The following ST14 variants were observed in gnomAD, a reference collection of about 807,000 sequenced individuals.
ST14 encodes the protein ST14 transmembrane serine protease matriptase.
ST14 carries 40 observed loss-of-function variants against 96.5 expected under a neutral mutation model. The observed-to-expected ratio is 0.41, with a 90% CI of 0.32 to 0.54. The LOEUF (loss-of-function observed/expected upper bound fraction) is 0.54. Among genes scored for constraint, ST14 ranks in the 20% least tolerant of loss-of-function variants. The pLI is 0.17. For synonymous variants in ST14, 506 were observed against 492.1 expected (o/e 1.03, Z -0.37); for missense variants, 1,066 against 1,188.9 (o/e 0.90, Z 1.52).
In ST14 at chr11:130,194,706, C is replaced by T; in HGVS notation, c.1082C>T (p.Pro361Leu). The T allele has an allele frequency of 6.2e-7, 1 of 1,614,202 alleles. No individual in the cohort carries two copies. ...AGCCCCTACTACCCAGGCCACTACC[C>T]ACCCAACATTGACTGCACATGGAAC... ...FNSPYYPGHY[P>L]PNIDCTWNIE... Residue 361 changes from proline to leucine, a missense_variant, in exon 9 of 19, where the codon CCA (proline) becomes CTA (leucine). Transcript: ENST00000278742.
At chr11:130,209,296 C>A in intron 17 of ST14, 146 bp from the exon 18 acceptor site, 1 of 1,093,282 alleles carries the variant, frequency 9.1e-7, no homozygotes, top group Non-Finnish European at 1.3e-6. Context: ...CCAGAGCCCA[C>A]TGAGTAGACG....
intron 7 of ST14, among the ~76,000 whole-genome samples, chr11:130,193,822 C>A (rs1395651471): frequency 6.6e-6 from 1 of 152,272 alleles, no homozygotes; most frequent in Non-Finnish European, 1.5e-5. Flanking sequence ...CTAGCGCCTT[C>A]CATCAGTGAT....
At chr11:130,163,903 T>A (rs1953021519) in intron 1 of ST14, among the ~76,000 whole-genome samples, 1 of 152,224 alleles carries the variant, frequency 6.6e-6, no homozygotes, top group Non-Finnish European at 1.5e-5. Context: ...GTTGCCACGT[T>A]GTCACCGGCT....
chr11:130,205,309 G>A (rs545384521), intron 16 of ST14, among the ~76,000 whole-genome samples: 2 of 152,218 alleles, frequency 1.3e-5, no homozygotes, highest in African/African-American at 4.8e-5. Context: ...TGTATTTTTA[G>A]TGGAGATGGG....
chr11:130,182,939 C>T (rs544517590), intron 1 of ST14, among the ~76,000 whole-genome samples: 11 of 151,220 alleles, frequency 7.3e-5, no homozygotes, highest in South Asian at 2.1e-4. Flanking sequence ...CATGAGCCAC[C>T]GCGCCCAGCC....
intron 7 of ST14, among the ~76,000 whole-genome samples, chr11:130,192,310 G>T (rs1205466324): frequency 6.6e-6 from 1 of 152,228 alleles, no homozygotes; most frequent in Admixed American, 6.5e-5. Context: ...AGAAGTACAT[G>T]TTCCCAGTGG....
intron 7 of ST14, among the ~76,000 whole-genome samples, chr11:130,192,690 C>T (rs1317302425): frequency 1.3e-5 from 2 of 152,182 alleles, no homozygotes; most frequent in African/African-American, 4.8e-5. Context: ...CAGCACCCGG[C>T]CAAATTTTTG....
intron 16 of ST14, 103 bp downstream of exon 16, chr11:130,200,240 C>A: frequency 7.5e-7 from 1 of 1,340,504 alleles, no homozygotes; most frequent in African/African-American, 1.4e-5. Context: ...GGAGGGGTGG[C>A]CACATGTGTT....
chr11:130,168,959 A>G (rs1424635545), intron 1 of ST14, among the ~76,000 whole-genome samples: 1 of 152,126 alleles, frequency 6.6e-6, no homozygotes, highest in Non-Finnish European at 1.5e-5. Flanking sequence ...ATGCCATGAA[A>G]TATGACTCAG....
At chr11:130,190,286 T>G (rs1312483026) in intron 6 of ST14, 138 bp downstream of exon 6, 35 of 1,474,194 alleles carry the variant, frequency 2.4e-5, no homozygotes, top group Non-Finnish European at 3.3e-5. Flanking sequence ...CCCTTCCTCT[T>G]CCAGGCCCTT....
chr11:130,199,147 C>A, intron 15 of ST14, 78 bp downstream of exon 15: 1 of 1,452,810 alleles, frequency 6.9e-7, no homozygotes, highest in Non-Finnish European at 9.4e-7. Context: ...CCTGGAGGTG[C>A]AATCCCGCCA....
rs117656457 is a variant in ST14, at chr11:130,180,000, G to T, written c.82-8114G>T. ...TGCTCGGGCTCTACTTTCCTTTCTC[G>T]CTTGAACAATTACAGGGATAGTTTA... is the stretch of plus-strand genomic sequence containing the variant. On this transcript the variant is annotated intron_variant, in intron 1 of 18. Coordinates refer to ENST00000278742, the MANE Select transcript of ST14 (RefSeq NM_021978.4). Among the ~76,000 whole-genome samples the T allele has an allele frequency of 1.1e-3, 164 of 152,274 alleles. 1 individual carries two copies. The highest frequency in any genetic ancestry group is 3.9e-3 in the African/African-American group (160 of 41,542).
chr11:130,209,560 C>T lies in ST14; in HGVS notation c.2388C>T (p.Gly796=), dbSNP rs569217857. 2.5e-6 allele frequency: 4 copies of T among 1,574,326 alleles called. No individual in the cohort carries two copies. The highest frequency in any genetic ancestry group is 2.6e-6 in the Non-Finnish European group (3 of 1,160,260). ...TGATGTGCGTGGGCTTCCTCAGCGG[C>T]GGCGTGGACTCCTGCCAGGTGGCCC... The part of the protein sequence containing the change: ...PRMMCVGFLS[G]GVDSCQGDSG... Residue 796 remains glycine, a synonymous_variant, in exon 18 of 19, where the codon GGC becomes GGT. Transcript: ENST00000278742.
chr11:130,167,662 TC>T (rs1953054439), intron 1 of ST14, among the ~76,000 whole-genome samples: 1 of 151,876 alleles, frequency 6.6e-6, no homozygotes, highest in Non-Finnish European at 1.5e-5. Context: ...GAGAGGGATC[TC>T]CCAGAATTAC....
chr11:130,180,374 T>C (rs910117440), intron 1 of ST14, among the ~76,000 whole-genome samples: 2 of 152,186 alleles, frequency 1.3e-5, no homozygotes, highest in African/African-American at 4.8e-5. Flanking sequence ...CTTAGCCACA[T>C]GAGGAACGAT....
chr11:130,161,487 C>G (rs1190876210), intron 1 of ST14, among the ~76,000 whole-genome samples: 2 of 152,192 alleles, frequency 1.3e-5, no homozygotes, highest in Non-Finnish European at 2.9e-5. Context: ...CCTGCCCACA[C>G]GGGGAAAGCA....
Position 130,188,060 on chromosome 11 carries a change from T to G in ST14, c.82-54T>G, listed in dbSNP as rs1591886261. 3.1e-6 allele frequency: 5 copies of G among 1,601,474 alleles called. No homozygotes were observed. Among genetic ancestry groups the G allele is most frequent in the Non-Finnish European group, 4.3e-6 (5 of 1,171,220 alleles). On this transcript the variant is annotated intron_variant, in intron 1 of 18. Coordinates refer to ENST00000278742, the MANE Select transcript of ST14 (RefSeq NM_021978.4). This position sits in a 1 kb window ranked among gnomAD's most constrained non-coding sequence, Gnocchi z 5.4. ...AATGTGAACATCTTCCCCAGCGGGG[T>G]GCAGGGGAAGAGCGGGTGAGAGGGT...
At chr11:130,179,261 C>T (rs1251709409) in intron 1 of ST14, among the ~76,000 whole-genome samples, 1 of 152,236 alleles carries the variant, frequency 6.6e-6, no homozygotes, top group African/African-American at 2.4e-5. Context: ...GGAACAAACA[C>T]TGCATTTGTT....
chr11:130,179,021 C>A (rs1953166229), intron 1 of ST14, among the ~76,000 whole-genome samples: 1 of 152,168 alleles, frequency 6.6e-6, no homozygotes, highest in African/African-American at 2.4e-5. Context: ...CAGCAGCTTC[C>A]CTTCATCCCA....
Sources: gnomAD v4.1 joint callset for allele counts (sites outside exome capture counted in the v4.1 genomes callset) on GRCh38, gnomAD v4.1.1 for gene constraint, Gnocchi (gnomAD v3.1) non-coding constraint, MANE v1.5 for transcripts, NCBI Gene and HGNC (gene_info 2026-07-23, HGNC 2026-07-21) for gene names.